SH3BGR: variants seen among roughly 807,000 people sequenced by gnomAD.
SH3BGR encodes SH3 domain binding glutamate rich protein, also known as SH3 domain-binding glutamic acid-rich protein.
SH3BGR carries 29 observed loss-of-function variants against 24.5 expected under a neutral mutation model. That is an observed-to-expected ratio of 1.18 (90% CI 0.88 to 1.61). SH3BGR has a LOEUF of 1.61. Among genes scored for constraint, SH3BGR ranks in the 40% most tolerant of loss-of-function variants. The probability of loss-of-function intolerance (pLI) is 0.00; values close to 1 mark genes in which losing one functional copy is unlikely to be tolerated. For synonymous variants in SH3BGR, 55 were observed against 65.7 expected, an observed-to-expected ratio of 0.84 and a Z score of 0.79; for missense variants, 162 against 205.8, an observed-to-expected ratio of 0.79 and a Z score of 1.30.
chr21:39,493,292 G>T (rs2078335546), intron 3 of SH3BGR, among the ~76,000 whole-genome samples: 1 of 152,166 alleles, frequency 6.6e-6, no homozygotes, highest in South Asian at 2.1e-4. Flanking sequence ...GTTGATATTT[G>T]TATAAGGTGA....
At chr21:39,492,466 G>GTGTGTGTATATATATATA (rs1404293146) in intron 3 of SH3BGR, among the ~76,000 whole-genome samples, 3 of 139,730 alleles carry the variant, frequency 2.1e-5, no homozygotes, top group African/African-American at 8.6e-5. Context: ...GTGTGTGTGT[G>GTGTGTGTATATATATATA]TATATATATA....
intron 3 of SH3BGR, among the ~76,000 whole-genome samples, chr21:39,492,567 A>G (rs1198501066): frequency 6.6e-6 from 1 of 151,546 alleles, no homozygotes; most frequent in Non-Finnish European, 1.5e-5. Context: ...GCAATTGCGC[A>G]TTGTGCTGCC....
chr21:39,489,414 C>CACAG (rs1292572549), intron 3 of SH3BGR, among the ~76,000 whole-genome samples: 2 of 152,216 alleles, frequency 1.3e-5, no homozygotes, highest in African/African-American at 4.8e-5. Context: ...GTGGGCCCTG[C>CACAG]ACAGCCTCAG....
intron 3 of SH3BGR, among the ~76,000 whole-genome samples, chr21:39,481,384 A>T (rs901963635): frequency 6.6e-6 from 1 of 152,202 alleles, no homozygotes; most frequent in East Asian, 1.9e-4. Flanking sequence ...CCAGCCATTA[A>T]AAAAAGTAAC....
At chr21:39,462,937 G>A (rs1301587012) in intron 2 of SH3BGR, among the ~76,000 whole-genome samples, 2 of 152,208 alleles carry the variant, frequency 1.3e-5, no homozygotes, top group Non-Finnish European at 2.9e-5. Context: ...AGGCTGGAGT[G>A]TAGTGGTGCA....
chr21:39,509,752 G>A (rs1368529200), intron 5 of SH3BGR, among the ~76,000 whole-genome samples: 1 of 151,976 alleles, frequency 6.6e-6, no homozygotes, highest in African/African-American at 2.4e-5. Context: ...TGGGATTACA[G>A]GTGTGAGCCA....
At chr21:39,454,707 T>G (rs2077627433) in intron 1 of SH3BGR, among the ~76,000 whole-genome samples, 1 of 152,156 alleles carries the variant, frequency 6.6e-6, no homozygotes, top group South Asian at 2.1e-4. Flanking sequence ...GTAAATATCG[T>G]GGGAAAAATA....
At chr21:39,451,045 T>C (rs1223081731), upstream of SH3BGR, among the ~76,000 whole-genome samples, 2 of 152,136 alleles carry the variant, frequency 1.3e-5, no homozygotes, top group Non-Finnish European at 2.9e-5. Flanking sequence ...GGTCTTGAAC[T>C]TCTGGGCTCA....
intron 2 of SH3BGR, among the ~76,000 whole-genome samples, chr21:39,472,910 C>T (rs1057146162): frequency 2.0e-5 from 3 of 152,160 alleles, no homozygotes; most frequent in African/African-American, 7.2e-5. Context: ...CAGAAACTCT[C>T]AGCATGATCG....
rs1247397819 is a variant in SH3BGR at position 39,515,216 on chromosome 21, A to G, written c.*163A>G. On this transcript the variant is annotated 3_prime_UTR_variant, in exon 7 of 7. Transcript: ENST00000333634. ...TGCTGCCTGACCTGGTTAGATGTAC[A>G]TGGAGGTATCTCCCGAATCATACAA... The G allele has an allele frequency of 4.5e-6, 2 of 441,524 alleles. No homozygotes were observed. Among genetic ancestry groups the G allele is most frequent in the Non-Finnish European group, 9.4e-6 (2 of 213,524 alleles). The allele number at this position is 441,524 out of a possible 1,614,324, so 27.4% of individuals were successfully genotyped here.
intron 4 of SH3BGR, among the ~76,000 whole-genome samples, chr21:39,503,058 A>G (rs1338785259): frequency 1.3e-5 from 2 of 151,206 alleles, no homozygotes; most frequent in Non-Finnish European, 2.9e-5. Context: ...ACCAAGGTCT[A>G]TACTTTCTTC....
At chr21:39,465,866 T>C (rs991616006) in intron 2 of SH3BGR, among the ~76,000 whole-genome samples, 3 of 152,214 alleles carry the variant, frequency 2.0e-5, no homozygotes, top group Non-Finnish European at 4.4e-5. Context: ...GTTGGGATTA[T>C]AGGTGTGAGC....
chr21:39,465,983 C>T (rs1402680562), intron 2 of SH3BGR, among the ~76,000 whole-genome samples: 1 of 152,170 alleles, frequency 6.6e-6, no homozygotes, highest in Non-Finnish European at 1.5e-5. Flanking sequence ...TGTTTTCAGC[C>T]TCTCCCCCTT....
chr21:39,481,868 A>C (rs1001061977), intron 3 of SH3BGR, among the ~76,000 whole-genome samples: 2 of 152,230 alleles, frequency 1.3e-5, no homozygotes, highest in Non-Finnish European at 2.9e-5. Flanking sequence ...AGATAATAAA[A>C]CTGGGTAAAA....
intron 2 of SH3BGR, among the ~76,000 whole-genome samples, chr21:39,469,638 TA>T (rs11356888): frequency 0.48 from 72,699 of 150,850 alleles, 19,208 homozygotes; most frequent in East Asian, 0.68. Context: ...TTCTTTTTTT[TA>T]AATTTAATTT....
At chr21:39,494,649 G>A (rs2123477967) in intron 3 of SH3BGR, among the ~76,000 whole-genome samples, 1 of 151,362 alleles carries the variant, frequency 6.6e-6, no homozygotes, top group Non-Finnish European at 1.5e-5. Context: ...TTTATCTTTG[G>A]TCTGCAGCCA....
At chr21:39,503,417 T>A (rs9984305) in intron 4 of SH3BGR, among the ~76,000 whole-genome samples, 62,634 of 151,040 alleles carry the variant, frequency 0.41, 15,724 homozygotes, top group East Asian at 0.67. Flanking sequence ...TACCTTTTTT[T>A]TAAAAAAACC....
chr21:39,469,800 A>G (rs1298417444), intron 2 of SH3BGR, among the ~76,000 whole-genome samples: 1 of 151,888 alleles, frequency 6.6e-6, no homozygotes, highest in African/African-American at 2.4e-5. Flanking sequence ...CTGGGATTAC[A>G]GGCGCCACCA....
At chr21:39,461,619 G>T (rs929638176) in intron 1 of SH3BGR, among the ~76,000 whole-genome samples, 8 of 152,118 alleles carry the variant, frequency 5.3e-5, no homozygotes, top group African/African-American at 1.9e-4. Flanking sequence ...CTCAGTATTT[G>T]CCTTATTTGA....
Sources: allele counts gnomAD v4.1 joint callset (sites outside exome capture counted in the v4.1 genomes callset), GRCh38; gene constraint gnomAD v4.1.1; transcripts MANE v1.5; gene names NCBI Gene and HGNC (gene_info 2026-07-23, HGNC 2026-07-21).